The following MAMDC2 variants were observed in gnomAD, a reference collection of about 807,000 sequenced individuals.
MAMDC2 encodes MAM domain containing 2.
In MAMDC2, 57 loss-of-function variants were observed where a neutral mutation model predicts 89.8. The observed-to-expected ratio is 0.63, with a 90% CI of 0.51 to 0.79. MAMDC2 has a LOEUF of 0.79. MAMDC2 is among the 30% of genes least tolerant of loss of function. The pLI is 0.00. For missense variants in MAMDC2, 800 were observed against 820.6 expected (o/e 0.97, Z 0.31); for synonymous variants, 313 against 293.4 (o/e 1.07, Z -0.68).
chr9:70,166,304 CATATATATATAT>C (rs56121728), intron 9 of MAMDC2, among the ~76,000 whole-genome samples: 4 of 131,266 alleles, frequency 3.0e-5, no homozygotes, highest in African/African-American at 1.1e-4. Context: ...CACACACACA[CATATATATATAT>C]ACATACACAT....
At chr9:70,113,694 C>T (rs1365145138) in intron 5 of MAMDC2, 1 of 154,320 alleles carries the variant, frequency 6.5e-6, no homozygotes, top group African/African-American at 2.4e-5. Flanking sequence ...GAGGAGAAGT[C>T]CTCCACAGAA....
At chr9:70,104,320 T>C (rs1828277086) in intron 2 of MAMDC2, among the ~76,000 whole-genome samples, 1 of 152,150 alleles carries the variant, frequency 6.6e-6, no homozygotes, top group African/African-American at 2.4e-5. Flanking sequence ...TGTGGAGAAA[T>C]TGGAACTCTC....
chr9:70,097,348 T>C (rs1213497885), intron 2 of MAMDC2, among the ~76,000 whole-genome samples: 1 of 152,206 alleles, frequency 6.6e-6, no homozygotes, highest in African/African-American at 2.4e-5. Context: ...ATAAGTATTG[T>C]ATAATAATGA....
chr9:70,072,632 T>A (rs1235641001), intron 2 of MAMDC2, among the ~76,000 whole-genome samples: 1 of 152,104 alleles, frequency 6.6e-6, no homozygotes, highest in East Asian at 1.9e-4. Flanking sequence ...AAAAGTTAAG[T>A]AACTTGCCCA....
intron 6 of MAMDC2, among the ~76,000 whole-genome samples, chr9:70,127,153 A>C (rs918337330): frequency 6.6e-6 from 1 of 152,210 alleles, no homozygotes; most frequent in African/African-American, 2.4e-5. Context: ...AGAAGCTACA[A>C]GTACTTTCAG....
rs114221009 is a variant in MAMDC2 at position 70,107,069 on chromosome 9, C to T, written c.149-1142C>T. Among the ~76,000 whole-genome samples the T allele has an allele frequency of 7.9e-3, 1,206 of 152,056 alleles. 9 individuals carry two copies. Among genetic ancestry groups the T allele is most frequent in the African/African-American group, 0.028 (1,143 of 41,456 alleles). Reference sequence around the variant, plus strand: ...ACACAGGGTGGTGGAAGCCACAGGACGAAAGACAGCAGGTTAAATGACAGC... The same window carrying T: ...ACACAGGGTGGTGGAAGCCACAGGATGAAAGACAGCAGGTTAAATGACAGC... On this transcript the variant is annotated intron_variant, in intron 2 of 13. Coordinates refer to ENST00000377182, the MANE Select transcript of MAMDC2 (RefSeq NM_153267.5).
intron 7 of MAMDC2, 75 bp downstream of exon 7, chr9:70,131,687 T>A (rs768458398): frequency 1.3e-5 from 13 of 1,025,152 alleles, no homozygotes; most frequent in Non-Finnish European, 1.9e-5. Context: ...GAACTTGTTT[T>A]AATTGCTTTT....
intron 2 of MAMDC2, among the ~76,000 whole-genome samples, chr9:70,059,023 CTA>C (rs1231477249): frequency 6.6e-6 from 1 of 152,196 alleles, no homozygotes; most frequent in Non-Finnish European, 1.5e-5. Context: ...TCCAGTAGAA[CTA>C]TGTTTCTTGA....
At chr9:70,164,688 A>G (rs531613587) in intron 9 of MAMDC2, among the ~76,000 whole-genome samples, 16 of 152,056 alleles carry the variant, frequency 1.1e-4, no homozygotes, top group Admixed American at 5.2e-4. Flanking sequence ...TCACTCTGTC[A>G]TCTAGGCTGG....
intron 11 of MAMDC2, among the ~76,000 whole-genome samples, chr9:70,178,544 A>G (rs2032563678): frequency 6.6e-6 from 1 of 152,208 alleles, no homozygotes; most frequent in African/African-American, 2.4e-5. Context: ...TTCAAAAATT[A>G]ATGCATAAAC....
intron 2 of MAMDC2, among the ~76,000 whole-genome samples, chr9:70,055,584 C>CA (rs1827008790): frequency 6.6e-6 from 1 of 152,120 alleles, no homozygotes; most frequent in Admixed American, 6.5e-5. Flanking sequence ...GATGATGTCC[C>CA]AACATTACAA....
chr9:70,127,699 A>AC (rs1325838693), intron 6 of MAMDC2, among the ~76,000 whole-genome samples: 2 of 151,628 alleles, frequency 1.3e-5, no homozygotes, highest in African/African-American at 4.9e-5. Flanking sequence ...CACAAAAAAA[A>AC]AACACTCTAG....
intron 2 of MAMDC2, among the ~76,000 whole-genome samples, chr9:70,064,174 AT>A (rs1487095767): frequency 6.6e-6 from 1 of 151,832 alleles, no homozygotes; most frequent in Non-Finnish European, 1.5e-5. Context: ...TTTTTTTAAA[AT>A]TTTTTTTCCA....
intron 9 of MAMDC2, 65 bp from the exon 10 acceptor site, chr9:70,168,637 C>T: frequency 1.5e-6 from 2 of 1,334,472 alleles, no homozygotes; most frequent in Non-Finnish European, 2.1e-6. Context: ...AAGTGAATCC[C>T]AGGTTGTTAG....
At chr9:70,209,705 T>C (rs1274577660) in intron 11 of MAMDC2, among the ~76,000 whole-genome samples, 1 of 152,230 alleles carries the variant, frequency 6.6e-6, no homozygotes, top group East Asian at 1.9e-4. Flanking sequence ...CTTGCTTCTC[T>C]AGTTATTTTA....
intron 11 of MAMDC2, among the ~76,000 whole-genome samples, chr9:70,214,585 C>T (rs2033412156): frequency 1.3e-5 from 2 of 152,168 alleles, no homozygotes; most frequent in Non-Finnish European, 2.9e-5. Flanking sequence ...TTTGCTTTTG[C>T]TTTAGAAGGA....
intron 11 of MAMDC2, among the ~76,000 whole-genome samples, chr9:70,204,368 G>A (rs1177450250): frequency 5.3e-5 from 8 of 151,766 alleles, no homozygotes; most frequent in South Asian, 2.1e-4. Flanking sequence ...TAGGCTGCTC[G>A]GGGGTCAGGG....
chr9:70,065,425 A>T (rs1049853957), intron 2 of MAMDC2, among the ~76,000 whole-genome samples: 1 of 151,884 alleles, frequency 6.6e-6, no homozygotes, highest in Non-Finnish European at 1.5e-5. Flanking sequence ...TTAAAATAGT[A>T]TTTTAGTCTA....
At chr9:70,221,405 A>AGAGAGAGAGAGAGAGG (rs2033562026) in intron 12 of MAMDC2, among the ~76,000 whole-genome samples, 1 of 123,930 alleles carries the variant, frequency 8.1e-6, no homozygotes, top group African/African-American at 3.0e-5. Context: ...AGAGAGAGAG[A>AGAGAGAGAGAGAGAGG]GAGTAACATC....
Sources: gnomAD v4.1 joint callset for allele counts (sites outside exome capture counted in the v4.1 genomes callset) on GRCh38, gnomAD v4.1.1 for gene constraint, MANE v1.5 for transcripts, NCBI Gene and HGNC (gene_info 2026-07-23, HGNC 2026-07-21) for gene names.